GRK5: variants seen among roughly 807,000 people sequenced by gnomAD.
The protein encoded by GRK5 is g protein-coupled receptor kinase GRK5.
A neutral mutation model predicts 78.4 loss-of-function variants in GRK5; 40 were observed. The observed-to-expected ratio is 0.51, with a 90% confidence interval of 0.40 to 0.66. The LOEUF (loss-of-function observed/expected upper bound fraction) is 0.66, where lower values mean the gene tolerates loss of function less well. GRK5 is among the 30% of genes least tolerant of loss of function. GRK5 has a pLI of 0.00. For missense variants in GRK5, 598 were observed against 759.9 expected (o/e 0.79, Z 2.50); for synonymous variants, 289 against 296.8 (o/e 0.97, Z 0.27).
chr10:119,299,740 G>A (rs59410287), intron 1 of GRK5, among the ~76,000 whole-genome samples: 13,197 of 152,014 alleles, frequency 0.087, 1,558 homozygotes, highest in African/African-American at 0.27. Flanking sequence ...CTGGAGTAGC[G>A]TGCTGGGCTC....
At chr10:119,353,521 G>A (rs1303725452) in intron 2 of GRK5, among the ~76,000 whole-genome samples, 1 of 152,200 alleles carries the variant, frequency 6.6e-6, no homozygotes, top group Non-Finnish European at 1.5e-5. Context: ...TTCTGTTCTT[G>A]AAATAGAAAG....
chr10:119,423,919 AT>A (rs746418162), intron 5 of GRK5, among the ~76,000 whole-genome samples: 3 of 152,210 alleles, frequency 2.0e-5, no homozygotes, highest in Non-Finnish European at 4.4e-5. Flanking sequence ...CACCACAGAC[AT>A]CAATTGAGTA....
At position 119,397,516 on chromosome 10, in the gene GRK5, G is replaced by A. The variant is rs1377681748; in HGVS notation, c.339+744G>A. Among the ~76,000 whole-genome samples, 4 of 152,196 alleles carry A rather than the reference G, an allele frequency of 2.6e-5. No individual in the cohort carries two copies. The East Asian group carries it at 7.7e-4, about 29-fold the overall frequency. ...GACTCACCTCCCGGAGGTGTTGAGA[G>A]CCTGAGATGGGACCTGTGTGGGAAT... On this transcript the variant is annotated intron_variant, in intron 4 of 15. Transcript: ENST00000392870.
At chr10:119,411,188 G>C (rs1852330898) in intron 4 of GRK5, among the ~76,000 whole-genome samples, 1 of 152,048 alleles carries the variant, frequency 6.6e-6, no homozygotes, top group Non-Finnish European at 1.5e-5. Context: ...CTACCCTCAT[G>C]GTCACCACCA....
At chr10:119,230,374 A>G (rs749559162) in intron 1 of GRK5, among the ~76,000 whole-genome samples, 1 of 152,126 alleles carries the variant, frequency 6.6e-6, no homozygotes, top group Non-Finnish European at 1.5e-5. Context: ...TAATTTATGC[A>G]TGAAAAAGGG....
Position 119,424,259 on chromosome 10 carries a change from G to A in GRK5, c.441-734G>A, listed in dbSNP as rs1852628345. On this transcript the variant is annotated intron_variant, in intron 5 of 15. Coordinates refer to ENST00000392870, the MANE Select transcript of GRK5 (RefSeq NM_005308.3). The stretch of plus-strand genomic sequence containing the variant: ...TCAGGTTTGGCAGGACACAGACTCT[G>A]ACGTGCCCCACCTGCCATAGTCCCC... Among the ~76,000 whole-genome samples, 7 of 152,288 alleles carry A rather than the reference G, an allele frequency of 4.6e-5. 1 individual carries two copies. In the South Asian group the frequency reaches 1.5e-3, roughly 32 times the overall value.
chr10:119,453,367 C>A, intron 15 of GRK5, 91 bp downstream of exon 15: 1 of 1,412,048 alleles, frequency 7.1e-7, no homozygotes, highest in South Asian at 1.2e-5. Flanking sequence ...AGTAGAGACC[C>A]TTGGAAGGCT....
At chr10:119,393,512 C>A (rs1394167632) in intron 3 of GRK5, among the ~76,000 whole-genome samples, 1 of 152,240 alleles carries the variant, frequency 6.6e-6, no homozygotes, top group Non-Finnish European at 1.5e-5. Context: ...ATCTAGTGTT[C>A]TGGATGGTAT....
chr10:119,293,847 G>A (rs1028958346), intron 1 of GRK5, among the ~76,000 whole-genome samples: 1 of 152,182 alleles, frequency 6.6e-6, no homozygotes, highest in African/African-American at 2.4e-5. Flanking sequence ...CGTTAAACCT[G>A]AAATAGACGC....
At chr10:119,443,958 G>A (rs1433729523) in intron 12 of GRK5, among the ~76,000 whole-genome samples, 1 of 152,120 alleles carries the variant, frequency 6.6e-6, no homozygotes, top group Non-Finnish European at 1.5e-5. Flanking sequence ...AGAAAGCCTG[G>A]GTGGGGCAGG....
intron 1 of GRK5, among the ~76,000 whole-genome samples, chr10:119,228,263 TG>T (rs35223473): frequency 0.021 from 3,160 of 152,012 alleles, 42 homozygotes; most frequent in Non-Finnish European, 0.034. Flanking sequence ...GATGATCACT[TG>T]AGCCTGGGAG....
intron 2 of GRK5, among the ~76,000 whole-genome samples, chr10:119,377,029 G>A (rs928638043): frequency 6.6e-5 from 10 of 152,180 alleles, no homozygotes; most frequent in Non-Finnish European, 1.2e-4. Context: ...GTGTGTGCCT[G>A]TGTGTACAGC....
intron 1 of GRK5, among the ~76,000 whole-genome samples, chr10:119,248,056 G>C (rs1030261736): frequency 6.6e-6 from 1 of 152,164 alleles, no homozygotes; most frequent in Non-Finnish European, 1.5e-5. Context: ...CAGGGTCTCA[G>C]GCTGGAGTGC....
At position 119,398,375 on chromosome 10, in the gene GRK5, G is replaced by A. The variant is rs574977331; in HGVS notation, c.339+1603G>A. ...GCTGGGCTCCTATGGTGTGCCACAT[G>A]CCTCCGAGATGTCTCTGATGATTCG... On this transcript the variant is annotated intron_variant, in intron 4 of 15. Coordinates refer to ENST00000392870, the MANE Select transcript of GRK5 (RefSeq NM_005308.3). Among the ~76,000 whole-genome samples, 163 of 148,912 alleles carry A rather than the reference G, an allele frequency of 1.1e-3. 1 individual carries two copies. The highest frequency in any genetic ancestry group is 3.9e-3 in the African/African-American group (158 of 40,272).
intron 1 of GRK5, among the ~76,000 whole-genome samples, chr10:119,226,671 A>G (rs1564855105): frequency 6.7e-6 from 1 of 149,530 alleles, no homozygotes; most frequent in Non-Finnish European, 1.5e-5. Flanking sequence ...CTGCCACCTG[A>G]GTAGCTAGGA....
chr10:119,303,195 G>A (rs1473799), intron 1 of GRK5, among the ~76,000 whole-genome samples: 1 of 152,032 alleles, frequency 6.6e-6, no homozygotes, highest in African/African-American at 2.4e-5. Context: ...AGAGTAAAAC[G>A]CTAGTTGGAC....
rs578139423 is a variant in GRK5 at position 119,369,409 on chromosome 10, G to A, written c.149-11406G>A. Among the ~76,000 whole-genome samples, 18 of 152,204 alleles carry A rather than the reference G, an allele frequency of 1.2e-4. No individual in the cohort carries two copies. In the East Asian group the frequency reaches 2.3e-3, roughly 20 times the overall value. On this transcript the variant is annotated intron_variant, in intron 2 of 15. Transcript: ENST00000392870. ...CCGTCCCGGCTCACTGGAAGGTCCC[G>A]CCACAGGCCACGCAGGGTAAAACAA...
At chr10:119,424,600 G>T (rs984418634) in intron 5 of GRK5, among the ~76,000 whole-genome samples, 1 of 112,660 alleles carries the variant, frequency 8.9e-6, no homozygotes, top group African/African-American at 3.6e-5. Context: ...TTAAGTCTTC[G>T]TCTGTTCTCA....
intron 4 of GRK5, among the ~76,000 whole-genome samples, chr10:119,419,807 C>T (rs1852533234): frequency 6.6e-6 from 1 of 152,230 alleles, no homozygotes; most frequent in Non-Finnish European, 1.5e-5. Flanking sequence ...TCTATAAAGC[C>T]TTTCCCAGAT....
Sources: allele counts gnomAD v4.1 joint callset (sites outside exome capture counted in the v4.1 genomes callset), GRCh38; gene constraint gnomAD v4.1.1; transcripts MANE v1.5; gene names NCBI Gene and HGNC (gene_info 2026-07-23, HGNC 2026-07-21).